Variants in ASCL1 observed in about 807,000 individuals in gnomAD.
ASCL1 encodes achaete-scute homolog 1.
A neutral mutation model predicts 16.1 loss-of-function variants in ASCL1; 2 were observed. That is an observed-to-expected ratio of 0.12 (90% CI 0.05 to 0.39). The LOEUF (loss-of-function observed/expected upper bound fraction) is 0.39, where lower values mean the gene tolerates loss of function less well. Among genes scored for constraint, ASCL1 ranks in the 10% least tolerant of loss-of-function variants. The probability of loss-of-function intolerance (pLI) is 0.99; values close to 1 mark genes in which losing one functional copy is unlikely to be tolerated. For missense variants in ASCL1, 276 were observed against 336.9 expected, an observed-to-expected ratio of 0.82 and a Z score of 1.41; for synonymous variants, 165 against 155.7, an observed-to-expected ratio of 1.06 and a Z score of -0.45.
In ASCL1 at chr12:102,960,315, C is replaced by G. The variant is rs540442933; in HGVS notation, c.*1001C>G. The G allele has an allele frequency of 1.3e-5, 2 of 152,722 alleles. No homozygotes were observed. Among genetic ancestry groups the G allele is most frequent in the African/African-American group, 4.8e-5 (2 of 41,556 alleles). 9.5% of individuals were successfully genotyped at this position (152,722 alleles called of 1,614,324 possible). ...ATTAATGATGTTATTAAATACTGTTCAAGAAGAACAAAGTTTATGCAGCTA... is the reference window on the plus strand; with the variant it reads ...ATTAATGATGTTATTAAATACTGTTGAAGAAGAACAAAGTTTATGCAGCTA... On this transcript the variant is annotated 3_prime_UTR_variant, in exon 2 of 2. Transcript: ENST00000266744.
chr12:102,958,815 CCCA>C lies in ASCL1; in HGVS notation c.575_577del (p.Thr192del). 6.2e-7 allele frequency: 1 copy of C among 1,613,948 alleles called. No individual in the cohort carries two copies. The highest frequency in any genetic ancestry group is 8.5e-7 in the Non-Finnish European group (1 of 1,179,896). ...CGCCTTCCAGGCAGGCGTCCTGTCG[CCCA>C]CCATCTCCCCCAACTACTCCAACGA... On this transcript the variant is annotated inframe_deletion, in exon 1 of 2. Coordinates refer to ENST00000266744, the MANE Select transcript of ASCL1 (RefSeq NM_004316.4).
chr12:102,958,962 C>G lies in ASCL1; in HGVS notation c.*7C>G, dbSNP rs995997230. 5 of 1,613,488 alleles carry G rather than the reference C, an allele frequency of 3.1e-6. No homozygotes were observed. The highest frequency in any genetic ancestry group is 4.2e-6 in the Non-Finnish European group (5 of 1,180,054). On this transcript the variant is annotated 3_prime_UTR_variant, in exon 1 of 2. Coordinates refer to ENST00000266744, the MANE Select transcript of ASCL1 (RefSeq NM_004316.4). The stretch of plus-strand genomic sequence containing the variant: ...CTTCACCAACTGGTTCTGAGGGGCT[C>G]GGCCTGGTCAGGCCCTGGTGCGAAT...
At position 102,958,630 on chromosome 12, in the gene ASCL1, A is replaced by G; in HGVS notation, c.386A>G (p.Asn129Ser). The change falls in exon 1 of 2, where the codon AAC becomes AGC. Residue 129 changes from asparagine (N) to serine (S), a missense_variant. Transcript: ENST00000266744. ...AVARRNERERNRVKLVNLGFA... is the reference protein window; with the variant it reads ...AVARRNERERSRVKLVNLGFA... Reference sequence around the variant, plus strand: ...GCGCGCCGCAACGAGCGCGAGCGCAACCGCGTCAAGTTGGTCAACCTGGGC... The same window carrying G: ...GCGCGCCGCAACGAGCGCGAGCGCAGCCGCGTCAAGTTGGTCAACCTGGGC... The G allele has an allele frequency of 6.2e-7, 1 of 1,613,356 alleles. No individual in the cohort carries two copies.
chr12:102,958,500 G>A lies in ASCL1; in HGVS notation c.256G>A (p.Val86Ile). The A allele has an allele frequency of 6.3e-7, 1 of 1,597,806 alleles. No homozygotes were observed. The change falls in exon 1 of 2, where the codon GTC becomes ATC. Residue 86 changes from valine (V) to isoleucine (I), a missense_variant. Physicochemically the swap from Val to Ile is conservative, Grantham distance 29. This residue lies in a region of ASCL1 where 178 missense variants were observed against 167.0 expected (regional missense o/e 1.07). Coordinates refer to ENST00000266744, the MANE Select transcript of ASCL1 (RefSeq NM_004316.4). ...CGGTCACAAGTCAGCGCCCAAGCAAGTCAAGCGACAGCGCTCGTCTTCGCC... is the reference window on the plus strand; with the variant it reads ...CGGTCACAAGTCAGCGCCCAAGCAAATCAAGCGACAGCGCTCGTCTTCGCC... ...GGGHKSAPKQ[V>I]KRQRSSSPEL...
Position 102,957,857 on chromosome 12 carries a change from C to A in ASCL1, c.-388C>A, listed in dbSNP as rs1879972567. On this transcript the variant is annotated 5_prime_UTR_variant, in exon 1 of 2. Transcript: ENST00000266744. This position sits in a 1 kb window ranked among gnomAD's most constrained non-coding sequence, Gnocchi z 4.1. ...GAGCGCAGCCTTAGTAGGAGAGGAACGCGAGACGCGGCAGAGCGCGTTCAG... is the reference window on the plus strand; with the variant it reads ...GAGCGCAGCCTTAGTAGGAGAGGAAAGCGAGACGCGGCAGAGCGCGTTCAG... 2 of 173,490 alleles carry A rather than the reference C, an allele frequency of 1.2e-5. No individual in the cohort carries two copies. Among genetic ancestry groups the A allele is most frequent in the Admixed American group, 6.3e-5 (1 of 15,806 alleles). 10.7% of individuals were successfully genotyped at this position (173,490 alleles called of 1,614,324 possible).
In ASCL1 at chr12:102,958,204, C is replaced by G. The variant is rs1249565678; in HGVS notation, c.-41C>G. 9.8e-6 allele frequency: 14 copies of G among 1,422,300 alleles called. No homozygotes were observed. The East Asian group carries it at 4.3e-4, about 43-fold the overall frequency. The allele number at this position is 1,422,300 out of a possible 1,614,324, so 88.1% of individuals were successfully genotyped here. ...CTCGCGGGCCCCGCACCTCGCGTCC[C>G]GGATCGCTCTGATTCCGCGACTCCT... is the stretch of plus-strand genomic sequence containing the variant. On this transcript the variant is annotated 5_prime_UTR_variant, in exon 1 of 2. Coordinates refer to ENST00000266744, the MANE Select transcript of ASCL1 (RefSeq NM_004316.4).
At position 102,958,252 on chromosome 12, in the gene ASCL1, G is replaced by A. The variant is rs2136784866; in HGVS notation, c.8G>A (p.Ser3Asn). The A allele has an allele frequency of 6.8e-7, 1 of 1,472,506 alleles. No individual in the cohort carries two copies. Among genetic ancestry groups the A allele is most frequent in the Non-Finnish European group, 9.0e-7 (1 of 1,116,466 alleles). 91.2% of individuals were successfully genotyped at this position (1,472,506 alleles called of 1,614,324 possible). A position where few individuals can be genotyped will look rare whatever the true frequency, so the allele number is the denominator to read the frequency against. Residue 3 changes from serine (S) to asparagine (N), a missense_variant, in exon 1 of 2, where the codon AGC becomes AAC. Physicochemically the swap from Ser to Asn is conservative, Grantham distance 46. Around this residue, in one of 3 missense-constraint regions of ASCL1, gnomAD observed 178 missense variants for 167.0 expected, o/e 1.07. Transcript: ENST00000266744. ...CCTTGGCCGCCGCTGCGCATGGAAA[G>A]CTCTGCCAAGATGGAGAGCGGCGGC... ME[S>N]SAKMESGGAG... is the part of the protein sequence containing the mutation.
intron 1 of ASCL1, 54 bp from the exon 2 acceptor site, chr12:102,959,308 C>T (rs1224021403): frequency 2.9e-6 from 1 of 344,410 alleles, no homozygotes; most frequent in Admixed American, 4.5e-5. Context: ...TCTCCCTCTA[C>T]CACTAGCCTA....
In ASCL1 at chr12:102,958,425, C is replaced by CAGCAGCAGG. The variant is rs763766575; in HGVS notation, c.186_187insCAGGAGCAG (p.Gln62_Ala63insGlnGluGln). The CAGCAGCAGG allele has an allele frequency of 1.6e-5, 24 of 1,547,724 alleles. No individual in the cohort carries two copies. In the African/African-American group the frequency reaches 3.2e-4, roughly 20 times the overall value. ...GCAGCAGCAGCAGCAGCAGCAGCAG[C>CAGCAGCAGG]AGCAGGCGCCGCAGCTGAGACCGGC... On this transcript the variant is annotated inframe_insertion, in exon 1 of 2. Transcript: ENST00000266744.
rs780252827 is a variant in ASCL1, at chr12:102,958,959, G to A, written c.*4G>A. 14 of 1,613,508 alleles carry A rather than the reference G, an allele frequency of 8.7e-6. No individual in the cohort carries two copies. The South Asian group carries it at 1.4e-4, about 16-fold the overall frequency. The stretch of plus-strand genomic sequence containing the variant: ...CGACTTCACCAACTGGTTCTGAGGG[G>A]CTCGGCCTGGTCAGGCCCTGGTGCG... On this transcript the variant is annotated 3_prime_UTR_variant, in exon 1 of 2. Coordinates refer to ENST00000266744, the MANE Select transcript of ASCL1 (RefSeq NM_004316.4).
chr12:102,958,225 C>T lies in ASCL1; in HGVS notation c.-20C>T, dbSNP rs1471683380. On this transcript the variant is annotated 5_prime_UTR_variant, in exon 1 of 2. Coordinates refer to ENST00000266744, the MANE Select transcript of ASCL1 (RefSeq NM_004316.4). ...GTCCCGGATCGCTCTGATTCCGCGA[C>T]TCCTTGGCCGCCGCTGCGCATGGAA... 15 of 1,459,658 alleles carry T rather than the reference C, an allele frequency of 1.0e-5. No homozygotes were observed. The highest frequency in any genetic ancestry group is 1.4e-5 in the Non-Finnish European group (15 of 1,109,252). 90.4% of individuals were successfully genotyped at this position (1,459,658 alleles called of 1,614,324 possible). A position where few individuals can be genotyped will look rare whatever the true frequency, so the allele number is the denominator to read the frequency against.
In ASCL1 at chr12:102,958,825, C is replaced by T; in HGVS notation, c.581C>T (p.Ser194Phe). 1.2e-6 allele frequency: 2 copies of T among 1,613,910 alleles called. No individual in the cohort carries two copies. Among genetic ancestry groups the T allele is most frequent in the Non-Finnish European group, 1.7e-6 (2 of 1,179,872 alleles). The part of the protein sequence containing the change: ...FQAGVLSPTI[S>F]PNYSNDLNSM... ...GCAGGCGTCCTGTCGCCCACCATCT[C>T]CCCCAACTACTCCAACGACTTGAAC... The change falls in exon 1 of 2, where the codon TCC becomes TTC. Residue 194 changes from serine (S) to phenylalanine (F), a missense_variant. By Grantham distance (155) the Ser-to-Phe change is radical. Coordinates refer to ENST00000266744, the MANE Select transcript of ASCL1 (RefSeq NM_004316.4).
Position 102,958,507 on chromosome 12 carries a change from G to C in ASCL1, c.263G>C (p.Arg88Pro). The C allele has an allele frequency of 1.2e-6, 2 of 1,600,776 alleles. No individual in the cohort carries two copies. The highest frequency in any genetic ancestry group is 8.5e-7 in the Non-Finnish European group (1 of 1,174,082). Residue 88 changes from arginine (R) to proline (P), a missense_variant, in exon 1 of 2, where the codon CGA becomes CCA. Around this residue, in one of 3 missense-constraint regions of ASCL1, gnomAD observed 178 missense variants for 167.0 expected, o/e 1.07. Transcript: ENST00000266744. ...GHKSAPKQVK[R>P]QRSSSPELMR... is the part of the protein sequence containing the mutation. ...AAGTCAGCGCCCAAGCAAGTCAAGC[G>C]ACAGCGCTCGTCTTCGCCCGAACTG... is the stretch of plus-strand genomic sequence containing the variant.
rs753094022 is a variant in ASCL1, at chr12:102,958,595, G to T, written c.351G>T (p.Pro117=). 92 of 1,610,086 alleles carry T rather than the reference G, an allele frequency of 5.7e-5. No homozygotes were observed. The Middle Eastern group carries it at 1.2e-3, about 20-fold the overall frequency. ...GCTACAGCCTGCCGCAGCAGCAGCC[G>T]GCCGCCGTGGCGCGCCGCAACGAGC... ...GFGYSLPQQQ[P]AAVARRNERE... Residue 117 remains proline, a synonymous_variant, in exon 1 of 2, where the codon CCG becomes CCT. Transcript: ENST00000266744.
At chr12:102,959,244 C>T (rs1253846115) in intron 1 of ASCL1, 118 bp from the exon 2 acceptor site, 1 of 484,076 alleles carries the variant, frequency 2.1e-6, no homozygotes, top group Non-Finnish European at 3.8e-6. Flanking sequence ...GAACCGAATA[C>T]TGGGACATGT....
At position 102,958,133 on chromosome 12, in the gene ASCL1, T is replaced by C. The variant is rs1879984347; in HGVS notation, c.-112T>C. ...TCAGGGCTCCCGCTTCATATTTCCTTTTCTTTCCCTCTCTGTTCCTGCACC... is the reference window on the plus strand; with the variant it reads ...TCAGGGCTCCCGCTTCATATTTCCTCTTCTTTCCCTCTCTGTTCCTGCACC... On this transcript the variant is annotated 5_prime_UTR_variant, in exon 1 of 2. Coordinates refer to ENST00000266744, the MANE Select transcript of ASCL1 (RefSeq NM_004316.4). 7 of 766,148 alleles carry C rather than the reference T, an allele frequency of 9.1e-6. No individual in the cohort carries two copies. The Middle Eastern group carries it at 2.9e-3, about 316-fold the overall frequency. The allele number at this position is 766,148 out of a possible 1,614,324, so 47.5% of individuals were successfully genotyped here.
At chr12:102,959,079 G>A (rs1880037412) in intron 1 of ASCL1, 77 bp downstream of exon 1, 4 of 1,426,506 alleles carry the variant, frequency 2.8e-6, no homozygotes, top group Admixed American at 4.2e-5. Flanking sequence ...AAGTGGGGAT[G>A]TCTCCAAGGA....
intron 1 of ASCL1, 78 bp from the exon 2 acceptor site, chr12:102,959,284 T>A: frequency 2.6e-6 from 1 of 380,456 alleles, no homozygotes; most frequent in African/African-American, 2.1e-5. Context: ...ACAGACTCTT[T>A]CCCCAGACCT....
rs903378755 is a variant in ASCL1 at position 102,957,925 on chromosome 12, A to G, written c.-320A>G. The G allele has an allele frequency of 2.3e-5, 6 of 259,090 alleles. No individual in the cohort carries two copies. The highest frequency in any genetic ancestry group is 5.4e-5 in the Admixed American group (1 of 18,408). 16.0% of individuals were successfully genotyped at this position (259,090 alleles called of 1,614,324 possible). ...GCTTCTGCTTTTTTTTTTCTTAGAA[A>G]CAAGAAGGCGCCAGCGGCAGCCTCA... On this transcript the variant is annotated 5_prime_UTR_variant, in exon 1 of 2. Coordinates refer to ENST00000266744, the MANE Select transcript of ASCL1 (RefSeq NM_004316.4). This position sits in a 1 kb window ranked among gnomAD's most constrained non-coding sequence, Gnocchi z 4.1.
Sources: gnomAD v4.1 joint callset for allele counts on GRCh38, gnomAD v4.1.1 for gene constraint, gnomAD v4.1.1 regional missense constraint, Gnocchi (gnomAD v3.1) non-coding constraint, MANE v1.5 for transcripts, NCBI Gene and HGNC (gene_info 2026-07-23, HGNC 2026-07-21) for gene names.